CSMD1: variants seen among roughly 807,000 people sequenced by gnomAD.
CSMD1 encodes the protein CUB and sushi domain-containing protein 1.
In CSMD1, 213 loss-of-function variants were observed where a neutral mutation model predicts 417.5. The observed-to-expected ratio is 0.51, with a 90% CI of 0.46 to 0.57. The LOEUF (loss-of-function observed/expected upper bound fraction) is 0.57, where lower values mean the gene tolerates loss of function less well. CSMD1 is among the 20% of genes least tolerant of loss of function. The pLI is 0.00. For missense variants in CSMD1, 6,923 were observed against 4,529.7 expected (o/e 1.53, Z -15.17); for synonymous variants, 2,862 against 1,736.8 (o/e 1.65, Z -16.11).
In CSMD1 at chr8:3,493,631, G is replaced by T. The variant is rs539039607; in HGVS notation, c.1440C>A (p.Val480=). 8 of 1,609,094 alleles carry T rather than the reference G, an allele frequency of 5.0e-6. No homozygotes were observed. In the South Asian group the frequency reaches 8.9e-5, roughly 18 times the overall value. ...DAGKVGDTRS[V]LYVLTGSSVP... ...CTCAAGGACATACTCACACGTACAAGACCGATCTGGTGTCTCCCACCTTCC... is the reference window on the plus strand; with the variant it reads ...CTCAAGGACATACTCACACGTACAATACCGATCTGGTGTCTCCCACCTTCC... Residue 480 remains valine, a synonymous_variant, in exon 11 of 70, where the codon GTC becomes GTA. Transcript: ENST00000635120.
chr8:3,075,295 T>TA (rs1813580467), intron 49 of CSMD1, among the ~76,000 whole-genome samples: 1 of 147,882 alleles, frequency 6.8e-6, no homozygotes, highest in South Asian at 2.1e-4. Flanking sequence ...TTTTTTTTTT[T>TA]AGATGGAGTT....
chr8:3,199,170 A>T (rs1236085815), intron 33 of CSMD1, among the ~76,000 whole-genome samples: 1 of 152,234 alleles, frequency 6.6e-6, no homozygotes, highest in Non-Finnish European at 1.5e-5. Context: ...ATTAAAAGAT[A>T]AGTATAAAGG....
intron 3 of CSMD1, among the ~76,000 whole-genome samples, chr8:4,359,709 C>T: frequency 6.6e-6 from 1 of 152,148 alleles, no homozygotes; most frequent in East Asian, 1.9e-4. Flanking sequence ...GTGTGTTTGT[C>T]TATAGACAGG....
chr8:4,254,127 C>G (rs1803276816), intron 3 of CSMD1, among the ~76,000 whole-genome samples: 1 of 151,944 alleles, frequency 6.6e-6, no homozygotes, highest in African/African-American at 2.4e-5. Flanking sequence ...CCGTGTTAGC[C>G]AGGGTGGTCT....
chr8:3,004,306 C>T (rs1287387009), intron 52 of CSMD1, among the ~76,000 whole-genome samples: 7 of 152,188 alleles, frequency 4.6e-5, no homozygotes, highest in African/African-American at 1.4e-4. Flanking sequence ...ATGTCTCCAA[C>T]AGGCAATTGT....
intron 6 of CSMD1, among the ~76,000 whole-genome samples, chr8:3,752,439 G>A (rs1182820238): frequency 1.3e-5 from 2 of 152,058 alleles, no homozygotes; most frequent in Non-Finnish European, 2.9e-5. Context: ...CAGATCATCT[G>A]AGGTCAGGAG....
At chr8:3,369,438 G>C (rs1334229708) in intron 18 of CSMD1, 68 bp from the exon 19 acceptor site, 6 of 750,402 alleles carry the variant, frequency 8.0e-6, no homozygotes, top group African/African-American at 3.5e-5. Context: ...CAAAATACTG[G>C]TTAAATGGCA....
intron 1 of CSMD1, among the ~76,000 whole-genome samples, chr8:4,918,033 T>C (rs1418964844): frequency 1.3e-5 from 2 of 152,192 alleles, no homozygotes; most frequent in East Asian, 1.9e-4. Context: ...TGTAAAATAA[T>C]ACTAGACTTT....
intron 3 of CSMD1, among the ~76,000 whole-genome samples, chr8:4,173,026 A>C (rs1326969389): frequency 2.0e-5 from 3 of 152,168 alleles, no homozygotes; most frequent in African/African-American, 7.2e-5. Context: ...TTGGTATTTT[A>C]GCCCCTAATA....
At chr8:4,230,974 C>T (rs1034389093) in intron 3 of CSMD1, among the ~76,000 whole-genome samples, 2 of 152,060 alleles carry the variant, frequency 1.3e-5, no homozygotes, top group Non-Finnish European at 2.9e-5. Flanking sequence ...ATTTCATTTG[C>T]AACATCAGTA....
chr8:3,752,598 G>A (rs1797400356), intron 6 of CSMD1, among the ~76,000 whole-genome samples: 1 of 143,226 alleles, frequency 7.0e-6, no homozygotes, highest in Non-Finnish European at 1.5e-5. Context: ...AGGTTGCAGT[G>A]AGGCAAGACT....
At chr8:3,343,756 T>G (rs1038765791) in intron 22 of CSMD1, among the ~76,000 whole-genome samples, 5 of 152,228 alleles carry the variant, frequency 3.3e-5, no homozygotes, top group Non-Finnish European at 5.9e-5. Context: ...TTTCCAGGTT[T>G]CATTATCTAC....
At chr8:4,714,446 A>G (rs1266721496) in intron 1 of CSMD1, among the ~76,000 whole-genome samples, 1 of 152,230 alleles carries the variant, frequency 6.6e-6, no homozygotes, top group Non-Finnish European at 1.5e-5. Context: ...TGGAAATTCT[A>G]AGTCAAAATA....
At chr8:4,844,228 G>C (rs533536177) in intron 1 of CSMD1, among the ~76,000 whole-genome samples, 2 of 152,306 alleles carry the variant, frequency 1.3e-5, no homozygotes, top group African/African-American at 2.4e-5. Context: ...ATTTCAAGTA[G>C]TAAGGTTACA....
At chr8:4,893,663 T>A (rs1804280557) in intron 1 of CSMD1, among the ~76,000 whole-genome samples, 1 of 152,132 alleles carries the variant, frequency 6.6e-6, no homozygotes, top group Admixed American at 6.5e-5. Flanking sequence ...AACTTCTTTT[T>A]CCTAACTGGT....
chr8:4,606,825 A>C (rs952294048), intron 2 of CSMD1, among the ~76,000 whole-genome samples: 1 of 152,250 alleles, frequency 6.6e-6, no homozygotes, highest in African/African-American at 2.4e-5. Context: ...CTAATTTTAT[A>C]AATCCAGAAA....
In CSMD1 at chr8:4,922,314, C is replaced by T. The variant is rs147490380; in HGVS notation, c.85+72018G>A. ...GGCATCATTGATTCTTGTTACATAACCTATCCCTGTCCCACCCCATCTCAA... is the reference window on the plus strand; with the variant it reads ...GGCATCATTGATTCTTGTTACATAATCTATCCCTGTCCCACCCCATCTCAA... On this transcript the variant is annotated intron_variant, in intron 1 of 69. Coordinates refer to ENST00000635120, the MANE Select transcript of CSMD1 (RefSeq NM_033225.6). Among the ~76,000 whole-genome samples the T allele has an allele frequency of 7.2e-5, 11 of 152,212 alleles. No individual in the cohort carries two copies. The East Asian group carries it at 2.1e-3, about 29-fold the overall frequency.
At chr8:4,500,213 G>C (rs1354349330) in intron 2 of CSMD1, among the ~76,000 whole-genome samples, 4 of 152,080 alleles carry the variant, frequency 2.6e-5, no homozygotes, top group Non-Finnish European at 5.9e-5. Context: ...ACTCCAGGGA[G>C]AGGTTGGCTT....
At chr8:4,079,579 A>T (rs1717785386) in intron 3 of CSMD1, among the ~76,000 whole-genome samples, 1 of 152,234 alleles carries the variant, frequency 6.6e-6, no homozygotes, top group Non-Finnish European at 1.5e-5. Context: ...TTTAAAGTAA[A>T]AACACTTTAT....
Sources: gnomAD v4.1 joint callset for allele counts (sites outside exome capture counted in the v4.1 genomes callset) on GRCh38, gnomAD v4.1.1 for gene constraint, MANE v1.5 for transcripts, NCBI Gene and HGNC (gene_info 2026-07-23, HGNC 2026-07-21) for gene names.